Variants in EPHA7 observed in about 807,000 individuals in gnomAD.
EPHA7 encodes EPH receptor A7, also known as ephrin type-A receptor 7.
In EPHA7, 25 loss-of-function variants were observed where a neutral mutation model predicts 112.6. That is an observed-to-expected ratio of 0.22 (90% CI 0.16 to 0.31). EPHA7 has a LOEUF of 0.31. EPHA7 is among the 10% of genes least tolerant of loss of function. The pLI is 1.00. For synonymous variants in EPHA7, 437 were observed against 406.5 expected, an observed-to-expected ratio of 1.07 and a Z score of -0.90; for missense variants, 962 against 1,212.6, an observed-to-expected ratio of 0.79 and a Z score of 3.07.
intron 1 of EPHA7, among the ~76,000 whole-genome samples, chr6:93,415,016 C>T (rs1779157792): frequency 6.6e-6 from 1 of 151,756 alleles, no homozygotes; most frequent in African/African-American, 2.4e-5. Context: ...TCTTAAAATG[C>T]AATATTAGAA....
chr6:93,361,890 A>G (rs164548), intron 3 of EPHA7, among the ~76,000 whole-genome samples: 128,462 of 152,022 alleles, frequency 0.85, 54,405 homozygotes, highest in East Asian at 0.91. Context: ...GTGACATTAC[A>G]AAATATAGCA....
intron 3 of EPHA7, among the ~76,000 whole-genome samples, chr6:93,403,424 G>T (rs1404492305): frequency 6.6e-6 from 1 of 151,604 alleles, no homozygotes. Context: ...AAAAGACAAG[G>T]AATAAAATAA....
intron 5 of EPHA7, among the ~76,000 whole-genome samples, chr6:93,336,850 G>C (rs1163243353): frequency 6.6e-6 from 1 of 151,706 alleles, no homozygotes; most frequent in East Asian, 1.9e-4. Context: ...TGAAGGATCA[G>C]TGGAGTAATA....
At chr6:93,415,297 G>C in intron 1 of EPHA7, among the ~76,000 whole-genome samples, 1 of 152,018 alleles carries the variant, frequency 6.6e-6, no homozygotes, top group Middle Eastern at 3.5e-3. Context: ...GTTAAAAACT[G>C]TTAAGCAATG....
chr6:93,381,225 A>T (rs1218622020), intron 3 of EPHA7, among the ~76,000 whole-genome samples: 7 of 152,212 alleles, frequency 4.6e-5, no homozygotes, highest in Admixed American at 4.6e-4. Flanking sequence ...TTACAAATTG[A>T]GAAACTTTAG....
chr6:93,359,874 G>GAGAGAGAGAGAGAGAT (rs1462833873), intron 3 of EPHA7, among the ~76,000 whole-genome samples: 3,053 of 127,458 alleles, frequency 0.024, 29 homozygotes, highest in Non-Finnish European at 0.035. Context: ...GAGAGAGAGA[G>GAGAGAGAGAGAGAGAT]AGATAGATAG....
chr6:93,346,885 T>C (rs1199973664), intron 5 of EPHA7, among the ~76,000 whole-genome samples: 1 of 151,828 alleles, frequency 6.6e-6, no homozygotes, highest in East Asian at 1.9e-4. Flanking sequence ...AGTGGCTATT[T>C]ATTTGCAAAT....
chr6:93,375,869 A>G (rs916245351), intron 3 of EPHA7, among the ~76,000 whole-genome samples: 1 of 152,172 alleles, frequency 6.6e-6, no homozygotes, highest in African/African-American at 2.4e-5. Context: ...CAACTAAGAA[A>G]AACAAAAGCT....
In EPHA7 at chr6:93,259,378, T is replaced by C; in HGVS notation, c.1900A>G (p.Lys634Glu). ...FAKELDASCI[K>E]IERVIGAGEF... The stretch of plus-strand genomic sequence containing the variant: ...CCTGCACCAATCACACGCTCAATTT[T>C]AATACAGGAGGCATCTAGCTCCTTG... The change falls in exon 10 of 17, where the codon AAA (lysine) becomes GAA (glutamate). Residue 634 changes from lysine (K) to glutamate (E), a missense_variant. By Grantham distance (56) the Lys-to-Glu change is moderately conservative (BLOSUM62 1). Around this residue, in one of 3 missense-constraint regions of EPHA7, gnomAD observed 746 missense variants for 889.2 expected, o/e 0.84. Coordinates refer to ENST00000369303, the MANE Select transcript of EPHA7 (RefSeq NM_004440.4). The C allele has an allele frequency of 6.2e-7, 1 of 1,612,042 alleles. No individual in the cohort carries two copies. Among genetic ancestry groups the C allele is most frequent in the Non-Finnish European group, 8.5e-7 (1 of 1,178,484 alleles).
At chr6:93,318,471 GAA>G (rs892251455) in intron 5 of EPHA7, among the ~76,000 whole-genome samples, 2 of 151,910 alleles carry the variant, frequency 1.3e-5, no homozygotes, top group African/African-American at 4.8e-5. Flanking sequence ...TGAGAAATGA[GAA>G]AAAGACAGGT....
chr6:93,303,618 C>T (rs1435441560), intron 5 of EPHA7, among the ~76,000 whole-genome samples: 2 of 152,062 alleles, frequency 1.3e-5, no homozygotes, highest in African/African-American at 2.4e-5. Flanking sequence ...TAAATTAAGA[C>T]AAAGGCATAC....
At chr6:93,282,581 G>C (rs1771801498) in intron 5 of EPHA7, among the ~76,000 whole-genome samples, 1 of 152,228 alleles carries the variant, frequency 6.6e-6, no homozygotes, top group African/African-American at 2.4e-5. Flanking sequence ...CGGCTGCACT[G>C]TGGGAGCCCC....
At chr6:93,418,293 T>C (rs1210134021) in intron 1 of EPHA7, among the ~76,000 whole-genome samples, 1 of 151,964 alleles carries the variant, frequency 6.6e-6, no homozygotes, top group Non-Finnish European at 1.5e-5. Flanking sequence ...CTGTCAAAGG[T>C]TCAAAGAAGG....
At chr6:93,305,435 A>G (rs1407138624) in intron 5 of EPHA7, among the ~76,000 whole-genome samples, 1 of 151,980 alleles carries the variant, frequency 6.6e-6, no homozygotes, top group Non-Finnish European at 1.5e-5. Context: ...ATTTTTTAAA[A>G]GAAATCATTC....
intron 9 of EPHA7, among the ~76,000 whole-genome samples, chr6:93,263,107 T>G (rs541796094): frequency 2.0e-5 from 3 of 151,258 alleles, no homozygotes; most frequent in East Asian, 2.0e-4. Flanking sequence ...ATGGGGAAAA[T>G]AGGTAAAGGT....
Position 93,356,984 on chromosome 6 carries a change from G to T in EPHA7, c.1057C>A (p.Pro353Thr), listed in dbSNP as rs1191331342. The T allele has an allele frequency of 6.2e-7, 1 of 1,614,028 alleles. No homozygotes were observed. The highest frequency in any genetic ancestry group is 2.2e-5 in the East Asian group (1 of 44,860). Residue 353 changes from proline to threonine, a missense_variant, in exon 5 of 17, where the codon CCT becomes ACT. By Grantham distance (38) the Pro-to-Thr change is conservative. This residue lies in a region of EPHA7 where 746 missense variants were observed against 889.2 expected (regional missense o/e 0.84). Coordinates refer to ENST00000369303, the MANE Select transcript of EPHA7 (RefSeq NM_004440.4). ...TTTCTTCCCCCATTGTCTGCAGGAG[G>T]ACTCCATTCCAAACTTACTGTGGTT... Reference protein sequence around the residue: ...NQTTVSLEWSPPADNGGRNDV... With the variant: ...NQTTVSLEWSTPADNGGRNDV...
chr6:93,296,479 T>TACACACAC (rs202196550), intron 5 of EPHA7, among the ~76,000 whole-genome samples: 25 of 145,804 alleles, frequency 1.7e-4, no homozygotes, highest in Non-Finnish European at 2.4e-4. Flanking sequence ...ATATATATAA[T>TACACACAC]ACACACACAC....
chr6:93,374,164 A>G (rs891038501), intron 3 of EPHA7, among the ~76,000 whole-genome samples: 2 of 152,090 alleles, frequency 1.3e-5, no homozygotes, highest in African/African-American at 4.8e-5. Flanking sequence ...TGTAGTGCTA[A>G]CTCCCTGAAG....
At chr6:93,280,691 G>T (rs1771689660) in intron 5 of EPHA7, among the ~76,000 whole-genome samples, 1 of 151,992 alleles carries the variant, frequency 6.6e-6, no homozygotes, top group African/African-American at 2.4e-5. Context: ...CTGTGTCTCA[G>T]TTTTCTCAGC....
Sources: allele counts gnomAD v4.1 joint callset (sites outside exome capture counted in the v4.1 genomes callset), GRCh38; gene constraint gnomAD v4.1.1; regional missense constraint gnomAD v4.1.1; transcripts MANE v1.5; gene names NCBI Gene and HGNC (gene_info 2026-07-23, HGNC 2026-07-21).